The following RSU1 variants were observed in gnomAD, a reference collection of about 807,000 sequenced individuals.
RSU1 encodes rsu-1.
RSU1 carries 26 observed loss-of-function variants against 31.1 expected under a neutral mutation model. That is an observed-to-expected ratio of 0.84 (90% confidence interval 0.61 to 1.16). RSU1 has a LOEUF of 1.16. Ranked by LOEUF, RSU1 falls within the 50% of genes most tolerant of loss-of-function variation. The probability of loss-of-function intolerance (pLI) is 0.00; values close to 1 mark genes in which losing one functional copy is unlikely to be tolerated. For missense variants in RSU1, 320 were observed against 339.1 expected, an observed-to-expected ratio of 0.94 and a Z score of 0.44; for synonymous variants, 164 against 136.3, an observed-to-expected ratio of 1.20 and a Z score of -1.41.
At chr10:16,661,287 CGTGTGTGTGTGTGTGT>C (rs56675037) in intron 8 of RSU1, among the ~76,000 whole-genome samples, 18 of 132,830 alleles carry the variant, frequency 1.4e-4, no homozygotes, top group African/African-American at 4.1e-4. Flanking sequence ...GTAGAGAGTG[CGTGTGTGTGTGTGTGT>C]GTGTGTGTGT....
intron 3 of RSU1, among the ~76,000 whole-genome samples, chr10:16,780,817 T>C (rs74128277): frequency 0.035 from 5,368 of 152,228 alleles, 293 homozygotes; most frequent in African/African-American, 0.12. Flanking sequence ...AAATTACCTG[T>C]TACAACAATG....
chr10:16,791,509 G>A (rs527452013), intron 2 of RSU1, among the ~76,000 whole-genome samples: 52 of 151,828 alleles, frequency 3.4e-4, no homozygotes, highest in African/African-American at 1.2e-3. Flanking sequence ...CATACCTGTA[G>A]TCCCAGCTAC....
chr10:16,756,954 G>A (rs1837099787), intron 4 of RSU1, among the ~76,000 whole-genome samples: 1 of 150,084 alleles, frequency 6.7e-6, no homozygotes, highest in African/African-American at 2.5e-5. Flanking sequence ...TATGTGTGTG[G>A]TGTGGGGTAG....
intron 8 of RSU1, among the ~76,000 whole-genome samples, chr10:16,660,456 A>G (rs2131526051): frequency 6.6e-6 from 1 of 152,244 alleles, no homozygotes; most frequent in Non-Finnish European, 1.5e-5. Flanking sequence ...TAAAATCTCA[A>G]ACCTTTCCCA....
intron 8 of RSU1, among the ~76,000 whole-genome samples, chr10:16,610,405 C>T (rs766173436): frequency 3.3e-5 from 5 of 152,170 alleles, no homozygotes; most frequent in East Asian, 1.9e-4. Context: ...CTTTAGAAAA[C>T]GGGTGGCCAA....
chr10:16,808,328 A>T (rs1440623650), intron 2 of RSU1, among the ~76,000 whole-genome samples: 1 of 151,088 alleles, frequency 6.6e-6, no homozygotes, highest in Admixed American at 6.6e-5. Context: ...TACTAAAATT[A>T]AAAAAATTCG....
chr10:16,598,288 C>G (rs1254153534), intron 8 of RSU1, among the ~76,000 whole-genome samples: 1 of 152,108 alleles, frequency 6.6e-6, no homozygotes, highest in Non-Finnish European at 1.5e-5. Flanking sequence ...TCTGTAATCC[C>G]AGCACTTCAG....
At chr10:16,641,601 C>G (rs1422434048) in intron 8 of RSU1, among the ~76,000 whole-genome samples, 5 of 152,312 alleles carry the variant, frequency 3.3e-5, no homozygotes, top group Admixed American at 3.3e-4. Context: ...ACAGCCAGGG[C>G]TTGGGTGGGC....
At chr10:16,712,029 A>G (rs1371453949) in intron 7 of RSU1, among the ~76,000 whole-genome samples, 1 of 152,158 alleles carries the variant, frequency 6.6e-6, no homozygotes. Context: ...GGTTGAGTGC[A>G]TATGTATTTG....
intron 7 of RSU1, among the ~76,000 whole-genome samples, chr10:16,696,931 C>T (rs555420145): frequency 1.1e-4 from 16 of 152,174 alleles, no homozygotes; most frequent in African/African-American, 3.6e-4. Context: ...TTCTTATTTC[C>T]TCTTAAAATC....
In RSU1 at chr10:16,673,008, C is replaced by G. The variant is rs943079964; in HGVS notation, c.731+22015G>C. ...CCTGTTTCCAGGGCCAGGCTTACAC[C>G]CACTGGTCTACAGGTGGAAGAGAAC... On this transcript the variant is annotated intron_variant, in intron 8 of 8. Transcript: ENST00000345264. Among the ~76,000 whole-genome samples the G allele has an allele frequency of 1.8e-4, 27 of 152,192 alleles. 1 individual carries two copies. The highest frequency in any genetic ancestry group is 6.5e-4 in the African/African-American group (27 of 41,438).
rs369946110 is a variant in RSU1, at chr10:16,750,322, T to A, written c.598+2217A>T. On this transcript the variant is annotated intron_variant, in intron 7 of 8. Coordinates refer to ENST00000345264, the MANE Select transcript of RSU1 (RefSeq NM_012425.4). ...TGTCTATAATCAGGAAAAACTGCTA[T>A]CAGGCAAATGTTAAGATTAAGCTTT... Among the ~76,000 whole-genome samples, 27 of 152,286 alleles carry A rather than the reference T, an allele frequency of 1.8e-4. No homozygotes were observed. In the East Asian group the frequency reaches 2.7e-3, roughly 15 times the overall value.
At chr10:16,664,444 T>C (rs1175316998) in intron 8 of RSU1, among the ~76,000 whole-genome samples, 3 of 152,222 alleles carry the variant, frequency 2.0e-5, no homozygotes, top group African/African-American at 7.2e-5. Context: ...TGTTACATAC[T>C]GCCTAAAATT....
At chr10:16,603,340 G>C (rs1254912721) in intron 8 of RSU1, among the ~76,000 whole-genome samples, 3 of 152,154 alleles carry the variant, frequency 2.0e-5, no homozygotes, top group Non-Finnish European at 4.4e-5. Context: ...GGAGAAATGA[G>C]GATTCTGGCA....
At chr10:16,743,942 G>C (rs566084534) in intron 7 of RSU1, among the ~76,000 whole-genome samples, 8 of 152,024 alleles carry the variant, frequency 5.3e-5, no homozygotes, top group Admixed American at 3.9e-4. Context: ...ACCAGCCTGG[G>C]CAACGTAGGG....
chr10:16,629,142 G>C (rs988819832), intron 8 of RSU1, among the ~76,000 whole-genome samples: 1 of 152,128 alleles, frequency 6.6e-6, no homozygotes, highest in African/African-American at 2.4e-5. Flanking sequence ...CCACACTTCA[G>C]TGTGCATAGG....
At chr10:16,692,597 C>T (rs1835582301) in intron 8 of RSU1, among the ~76,000 whole-genome samples, 1 of 152,054 alleles carries the variant, frequency 6.6e-6, no homozygotes, top group African/African-American at 2.4e-5. Context: ...AAAATTAGAG[C>T]CCCATCTAAA....
chr10:16,652,802 C>T (rs1275678018), intron 8 of RSU1, among the ~76,000 whole-genome samples: 1 of 152,024 alleles, frequency 6.6e-6, no homozygotes, highest in Admixed American at 6.6e-5. Context: ...CCCATCTCAG[C>T]CTCCCAAGTA....
Position 16,593,505 on chromosome 10 carries a change from A to G in RSU1, c.732-9T>C. On this transcript the variant is annotated splice_polypyrimidine_tract_variant and intron_variant, in intron 8 of 8. Transcript: ENST00000345264. ...TGTGTCTGCCGTAGAGGCTGCAAAG[A>G]CAGAGAAAGGACACTATCAGATCTA... 6.2e-7 allele frequency: 1 copy of G among 1,603,094 alleles called. No homozygotes were observed. The highest frequency in any genetic ancestry group is 8.5e-7 in the Non-Finnish European group (1 of 1,170,002).
Sources: allele counts gnomAD v4.1 joint callset (sites outside exome capture counted in the v4.1 genomes callset), GRCh38; gene constraint gnomAD v4.1.1; transcripts MANE v1.5; gene names NCBI Gene and HGNC (gene_info 2026-07-23, HGNC 2026-07-21).